The following ATP2B4 variants were observed in gnomAD, a reference collection of about 807,000 sequenced individuals.
ATP2B4 encodes the protein plasma membrane calcium-transporting ATPase 4.
ATP2B4 carries 39 observed loss-of-function variants against 110.3 expected under a neutral mutation model. That is an observed-to-expected ratio of 0.35 (90% CI 0.27 to 0.46). The LOEUF (loss-of-function observed/expected upper bound fraction) is 0.46, where lower values mean the gene tolerates loss of function less well. Ranked by LOEUF, ATP2B4 falls within the 20% of genes least tolerant of loss-of-function variation. The pLI, the probability that ATP2B4 is intolerant of heterozygous loss-of-function variation, is 1.00. For synonymous variants in ATP2B4, 538 were observed against 571.7 expected, an observed-to-expected ratio of 0.94 and a Z score of 0.84; for missense variants, 1,135 against 1,530.9, an observed-to-expected ratio of 0.74 and a Z score of 4.32.
rs767594019 is a variant in ATP2B4, at chr1:203,743,028, T to C, written c.*3174T>C. The C allele has an allele frequency of 5.9e-5, 9 of 152,668 alleles. No individual in the cohort carries two copies. The highest frequency in any genetic ancestry group is 1.3e-4 in the Non-Finnish European group (9 of 68,060). 9.5% of individuals were successfully genotyped at this position (152,668 alleles called of 1,614,324 possible). On this transcript the variant is annotated 3_prime_UTR_variant, in exon 21 of 21. Coordinates refer to ENST00000357681, the MANE Select transcript of ATP2B4 (RefSeq NM_001684.5). ...TATCATCTGTCCTCTGGAATGACTC[T>C]CCTGTCCCTAAAGGGGTTAAGAGAG... is the stretch of plus-strand genomic sequence containing the variant.
intron 2 of ATP2B4, among the ~76,000 whole-genome samples, chr1:203,697,254 C>G (rs948692972): frequency 6.6e-6 from 1 of 152,266 alleles, no homozygotes; most frequent in East Asian, 1.9e-4. Context: ...CTGATGCTCC[C>G]CTAAAGCTCC....
intron 1 of ATP2B4, among the ~76,000 whole-genome samples, chr1:203,656,214 C>T (rs1296982884): frequency 6.6e-6 from 1 of 152,142 alleles, no homozygotes; most frequent in Non-Finnish European, 1.5e-5. Flanking sequence ...ATAAGTTTCT[C>T]CTCAGAGAAT....
chr1:203,709,164 G>GA (rs534597539), intron 10 of ATP2B4, 137 bp from the exon 11 acceptor site: 27,897 of 982,548 alleles, frequency 0.028, 2 homozygotes, highest in Middle Eastern at 0.035. Flanking sequence ...CTCCAAAAAA[G>GA]AAAAAAAAAA....
In ATP2B4 at chr1:203,739,974, G is replaced by C; in HGVS notation, c.*120G>C. 9.0e-7 allele frequency: 1 copy of C among 1,111,944 alleles called. No individual in the cohort carries two copies. The highest frequency in any genetic ancestry group is 1.3e-6 in the Non-Finnish European group (1 of 793,908). 68.9% of individuals were successfully genotyped at this position (1,111,944 alleles called of 1,614,324 possible). On this transcript the variant is annotated 3_prime_UTR_variant, in exon 21 of 21. Coordinates refer to ENST00000357681, the MANE Select transcript of ATP2B4 (RefSeq NM_001684.5). ...AGCTGCTGTGTTAACAGCAGTGTGT[G>C]TGAAGTGAACCTCTACCTGACCATG... is the stretch of plus-strand genomic sequence containing the variant.
intron 15 of ATP2B4, among the ~76,000 whole-genome samples, chr1:203,719,008 A>G (rs939474951): frequency 2.6e-5 from 4 of 151,784 alleles, no homozygotes; most frequent in African/African-American, 7.3e-5. Flanking sequence ...AAGGAGCACT[A>G]GAAGCCAGGA....
intron 20 of ATP2B4, among the ~76,000 whole-genome samples, chr1:203,730,095 C>T (rs563040691): frequency 1.4e-4 from 22 of 152,136 alleles, no homozygotes; most frequent in Non-Finnish European, 3.1e-4. Flanking sequence ...TGAGGAGAAA[C>T]AATAAATCGT....
In ATP2B4 at chr1:203,699,706, A is replaced by G. The variant is rs778763585; in HGVS notation, c.638A>G (p.Gln213Arg). ...VAEIVVGDIA[Q>R]VKYGDLLPAD... is the part of the protein sequence containing the mutation. ...GAGATTGTGGTTGGTGATATTGCCCAAGTCAAATACGGTGAGAGCTCCGTG... is the reference window on the plus strand; with the variant it reads ...GAGATTGTGGTTGGTGATATTGCCCGAGTCAAATACGGTGAGAGCTCCGTG... The change falls in exon 4 of 21, where the codon CAA becomes CGA. Residue 213 changes from glutamine to arginine, a missense_variant. By Grantham distance (43) the Gln-to-Arg change is conservative (BLOSUM62 1). Around this residue, in one of 9 missense-constraint regions of ATP2B4, gnomAD observed 101 missense variants for 182.6 expected, o/e 0.55. Transcript: ENST00000357681. 6.2e-7 allele frequency: 1 copy of G among 1,613,928 alleles called. No individual in the cohort carries two copies. The highest frequency in any genetic ancestry group is 1.3e-5 in the African/African-American group (1 of 74,918).
chr1:203,649,569 G>A (rs1173858189), intron 1 of ATP2B4, among the ~76,000 whole-genome samples: 1 of 152,164 alleles, frequency 6.6e-6, no homozygotes, highest in Non-Finnish European at 1.5e-5. Flanking sequence ...CCAGGAGTTC[G>A]AGACCAGTCT....
At chr1:203,628,843 T>G (rs1172127765) in intron 1 of ATP2B4, among the ~76,000 whole-genome samples, 1 of 151,986 alleles carries the variant, frequency 6.6e-6, no homozygotes, top group Non-Finnish European at 1.5e-5. Flanking sequence ...TCCTAGCCCA[T>G]GTGCTGAGTT....
At chr1:203,691,511 A>T (rs1665371638) in intron 2 of ATP2B4, among the ~76,000 whole-genome samples, 1 of 152,190 alleles carries the variant, frequency 6.6e-6, no homozygotes, top group Non-Finnish European at 1.5e-5. Context: ...GCTGTTTTCA[A>T]AAAAAGGCCA....
rs1667040620 is a variant in ATP2B4, at chr1:203,743,921, T to C, written c.*4067T>C. 6.6e-6 allele frequency: 1 copy of C among 152,618 alleles called. No individual in the cohort carries two copies. The highest frequency in any genetic ancestry group is 1.5e-5 in the Non-Finnish European group (1 of 68,042). 9.5% of individuals were successfully genotyped at this position (152,618 alleles called of 1,614,324 possible). A position where few individuals can be genotyped will look rare whatever the true frequency, so the allele number is the denominator to read the frequency against. ...TGGTTCTTAGGGAAAAAAAATGCTATAAACTGCAAATCTGAAATTCAAATG... is the reference window on the plus strand; with the variant it reads ...TGGTTCTTAGGGAAAAAAAATGCTACAAACTGCAAATCTGAAATTCAAATG... On this transcript the variant is annotated 3_prime_UTR_variant, in exon 21 of 21. Coordinates refer to ENST00000357681, the MANE Select transcript of ATP2B4 (RefSeq NM_001684.5).
intron 20 of ATP2B4, among the ~76,000 whole-genome samples, chr1:203,735,012 A>AAAG (rs1666843472): frequency 6.6e-6 from 1 of 151,474 alleles, no homozygotes; most frequent in African/African-American, 2.4e-5. Context: ...CAAAAAAAAA[A>AAAG]AAAAAAAAAA....
intron 20 of ATP2B4, among the ~76,000 whole-genome samples, chr1:203,737,599 A>G (rs1418274844): frequency 6.6e-6 from 1 of 152,168 alleles, no homozygotes; most frequent in Admixed American, 6.5e-5. Flanking sequence ...ATTCCATCTG[A>G]TCTCACCTAG....
chr1:203,703,045 T>G (rs1250347067), intron 7 of ATP2B4, among the ~76,000 whole-genome samples: 1 of 152,206 alleles, frequency 6.6e-6, no homozygotes, highest in Non-Finnish European at 1.5e-5. Flanking sequence ...GGTCCCACTC[T>G]GTATCTCTCT....
At chr1:203,702,989 T>C (rs1665737350) in intron 7 of ATP2B4, among the ~76,000 whole-genome samples, 1 of 152,042 alleles carries the variant, frequency 6.6e-6, no homozygotes, top group African/African-American at 2.4e-5. Context: ...TTCCAGGAGG[T>C]CCCTCACACC....
intron 1 of ATP2B4, among the ~76,000 whole-genome samples, chr1:203,651,227 TTC>T (rs1203436683): frequency 2.6e-5 from 4 of 152,146 alleles, no homozygotes; most frequent in Admixed American, 6.6e-5. Context: ...ATTTTTTTTC[TTC>T]TCTCTCTCTG....
At chr1:203,630,363 CTCTCTCTT>C (rs1220586769) in intron 1 of ATP2B4, among the ~76,000 whole-genome samples, 390 of 21,800 alleles carry the variant, frequency 0.018, no homozygotes, top group African/African-American at 0.028. Flanking sequence ...CTCTCTCTCT[CTCTCTCTT>C]TTTTTTTTTT....
intron 2 of ATP2B4, among the ~76,000 whole-genome samples, chr1:203,694,910 G>T (rs1396775549): frequency 6.6e-6 from 1 of 152,154 alleles, no homozygotes; most frequent in Admixed American, 6.5e-5. Context: ...TTTTGAAGCT[G>T]ATAGGATTTC....
intron 19 of ATP2B4, 96 bp from the exon 20 acceptor site, chr1:203,727,299 A>C (rs1666553169): frequency 1.4e-6 from 2 of 1,437,554 alleles, no homozygotes; most frequent in Non-Finnish European, 9.4e-7. Context: ...GGTAGGGCAA[A>C]GAGTAACCTG....
Sources: allele counts gnomAD v4.1 joint callset (sites outside exome capture counted in the v4.1 genomes callset), GRCh38; gene constraint gnomAD v4.1.1; regional missense constraint gnomAD v4.1.1; transcripts MANE v1.5; gene names NCBI Gene and HGNC (gene_info 2026-07-23, HGNC 2026-07-21).